The following NELL1 variants were observed in gnomAD, a reference collection of about 807,000 sequenced individuals.
The protein encoded by NELL1 is neural EGFL like 1, also known as protein kinase C-binding protein NELL1.
In NELL1, 76 loss-of-function variants were observed where a neutral mutation model predicts 107.4. The observed-to-expected ratio is 0.71, with a 90% CI of 0.59 to 0.86. The LOEUF (loss-of-function observed/expected upper bound fraction) is 0.86. Among genes scored for constraint, NELL1 ranks in the 40% least tolerant of loss-of-function variants. The probability of loss-of-function intolerance (pLI) is 0.00; values close to 1 mark genes in which losing one functional copy is unlikely to be tolerated. For missense variants in NELL1, 1,024 were observed against 1,005.5 expected, an observed-to-expected ratio of 1.02 and a Z score of -0.25; for synonymous variants, 353 against 341.2, an observed-to-expected ratio of 1.03 and a Z score of -0.38.
chr11:21,495,223 A>G (rs1854946285), intron 15 of NELL1, among the ~76,000 whole-genome samples: 1 of 152,096 alleles, frequency 6.6e-6, no homozygotes, highest in African/African-American at 2.4e-5. Flanking sequence ...GGATTTGCCT[A>G]TTTTGAATAT....
chr11:20,775,294 T>C (rs1285105101), intron 2 of NELL1, among the ~76,000 whole-genome samples: 1 of 152,210 alleles, frequency 6.6e-6, no homozygotes, highest in South Asian at 2.1e-4. Context: ...TATGTACTAT[T>C]GTATACCTGT....
intron 2 of NELL1, among the ~76,000 whole-genome samples, chr11:20,777,516 G>C (rs190235056): frequency 0.014 from 2,140 of 152,306 alleles, 21 homozygotes; most frequent in Admixed American, 0.022. Flanking sequence ...AGGGTCACAA[G>C]ACCAAATAGT....
At chr11:21,098,810 T>TTC (rs200442539) in intron 12 of NELL1, among the ~76,000 whole-genome samples, 36 of 151,600 alleles carry the variant, frequency 2.4e-4, no homozygotes, top group African/African-American at 8.7e-4. Flanking sequence ...CCCTCTACCC[T>TTC]TCTCTCTCTC....
intron 5 of NELL1, among the ~76,000 whole-genome samples, chr11:20,890,874 C>T (rs972174144): frequency 2.2e-4 from 33 of 152,044 alleles, no homozygotes; most frequent in African/African-American, 8.0e-4. Context: ...AAGACCGAAC[C>T]TACCATTGAC....
chr11:20,882,991 C>T (rs1306716532), intron 4 of NELL1, among the ~76,000 whole-genome samples: 3 of 152,150 alleles, frequency 2.0e-5, no homozygotes, highest in African/African-American at 7.2e-5. Flanking sequence ...TTCCTCCTCC[C>T]TCCTCAGCAA....
At chr11:21,529,163 A>G (rs1309832379) in intron 15 of NELL1, among the ~76,000 whole-genome samples, 2 of 152,314 alleles carry the variant, frequency 1.3e-5, no homozygotes, top group East Asian at 1.9e-4. Flanking sequence ...GCAGGAAGCC[A>G]GGCAGAAAAA....
chr11:20,934,760 T>C (rs891400131), intron 9 of NELL1, among the ~76,000 whole-genome samples: 7 of 152,216 alleles, frequency 4.6e-5, no homozygotes, highest in Non-Finnish European at 7.3e-5. Flanking sequence ...GGGAATTTAT[T>C]AGACAGGAAT....
At chr11:21,118,580 G>A (rs1306084965) in intron 13 of NELL1, among the ~76,000 whole-genome samples, 1 of 152,082 alleles carries the variant, frequency 6.6e-6, no homozygotes, top group Non-Finnish European at 1.5e-5. Context: ...ACTATAAAAT[G>A]TCTTTTCAAA....
At chr11:20,849,507 A>G (rs1198785610) in intron 4 of NELL1, among the ~76,000 whole-genome samples, 1 of 152,166 alleles carries the variant, frequency 6.6e-6, no homozygotes, top group Non-Finnish European at 1.5e-5. Flanking sequence ...GGAGAGTGAG[A>G]AGAGGATAGG....
At chr11:20,857,117 T>C (rs902890487) in intron 4 of NELL1, among the ~76,000 whole-genome samples, 1 of 152,064 alleles carries the variant, frequency 6.6e-6, no homozygotes, top group Non-Finnish European at 1.5e-5. Context: ...ACAGCATGCA[T>C]CCAGAGGGAG....
intron 14 of NELL1, among the ~76,000 whole-genome samples, chr11:21,255,609 A>C (rs911768612): frequency 6.6e-6 from 1 of 152,130 alleles, no homozygotes; most frequent in South Asian, 2.1e-4. Context: ...ACATTTCTAC[A>C]GTAATCAGCC....
chr11:21,022,038 C>T (rs1852713698), intron 12 of NELL1, among the ~76,000 whole-genome samples: 1 of 152,024 alleles, frequency 6.6e-6, no homozygotes, highest in African/African-American at 2.4e-5. Context: ...CATCCCCTGC[C>T]CCAGTTGTGA....
At chr11:21,571,954 C>T (rs1268053871) in intron 18 of NELL1, among the ~76,000 whole-genome samples, 2 of 151,790 alleles carry the variant, frequency 1.3e-5, no homozygotes, top group Non-Finnish European at 2.9e-5. Context: ...ATAAATTATG[C>T]TCTAAATTTC....
rs186239655 is a variant in NELL1, at chr11:21,450,148, C to A, written c.1645+79200C>A. Among the ~76,000 whole-genome samples, 10 of 152,308 alleles carry A rather than the reference C, an allele frequency of 6.6e-5. No homozygotes were observed. In the East Asian group the frequency reaches 1.9e-3, roughly 29 times the overall value. On this transcript the variant is annotated intron_variant, in intron 15 of 19. Transcript: ENST00000357134. The stretch of plus-strand genomic sequence containing the variant: ...TAGTAGAAAAGTAGAAATTTATTGT[C>A]ATTTTATTATTGTTCATTCATTTTT...
At chr11:21,149,362 GGC>G (rs1162049891) in intron 13 of NELL1, among the ~76,000 whole-genome samples, 1 of 152,172 alleles carries the variant, frequency 6.6e-6, no homozygotes, top group Non-Finnish European at 1.5e-5. Context: ...ATGTTTAATT[GGC>G]TCACAGTTCC....
intron 1 of NELL1, among the ~76,000 whole-genome samples, chr11:20,676,754 G>T (rs143870411): frequency 2.0e-5 from 3 of 152,150 alleles, no homozygotes; most frequent in African/African-American, 7.2e-5. Context: ...ATGATGTCCC[G>T]GTGAACATTC....
chr11:21,430,166 C>A (rs1464299674), intron 15 of NELL1, among the ~76,000 whole-genome samples: 1 of 152,122 alleles, frequency 6.6e-6, no homozygotes, highest in African/African-American at 2.4e-5. Context: ...AAATGTAACA[C>A]CTGTCTAGCT....
chr11:21,466,702 G>T (rs1293455134), intron 15 of NELL1, among the ~76,000 whole-genome samples: 1 of 152,066 alleles, frequency 6.6e-6, no homozygotes, highest in East Asian at 1.9e-4. Context: ...GTTCTCTGAG[G>T]CTCCAATCAA....
intron 15 of NELL1, among the ~76,000 whole-genome samples, chr11:21,502,965 T>A (rs182973561): frequency 1.5e-4 from 23 of 152,270 alleles, no homozygotes; most frequent in African/African-American, 5.5e-4. Flanking sequence ...TCACCACAAC[T>A]TCCGCCTCCC....
Sources: gnomAD v4.1 joint callset for allele counts (sites outside exome capture counted in the v4.1 genomes callset) on GRCh38, gnomAD v4.1.1 for gene constraint, MANE v1.5 for transcripts, NCBI Gene and HGNC (gene_info 2026-07-23, HGNC 2026-07-21) for gene names.